ARPP21: variants seen among roughly 807,000 people sequenced by gnomAD.
The protein encoded by ARPP21 is cAMP regulated phosphoprotein 21.
Under a neutral mutation model 113.2 loss-of-function variants are expected in ARPP21, and 69 were observed. The ratio of observed to expected loss-of-function variants is 0.61; its 90% confidence interval spans 0.50 to 0.74. ARPP21 has a LOEUF of 0.74. Among genes scored for constraint, ARPP21 ranks in the 30% least tolerant of loss-of-function variants. The probability of loss-of-function intolerance (pLI) is 0.00; values close to 1 mark genes in which losing one functional copy is unlikely to be tolerated. For synonymous variants in ARPP21, 368 were observed against 375.5 expected (o/e 0.98, Z 0.23); for missense variants, 1,070 against 1,037.4 (o/e 1.03, Z -0.43).
chr3:35,648,373 A>G (rs759097301), intron 1 of ARPP21, among the ~76,000 whole-genome samples: 8 of 152,236 alleles, frequency 5.3e-5, no homozygotes, highest in Non-Finnish European at 8.8e-5. Flanking sequence ...GAATGAATCC[A>G]TGAAGGAAAA....
At chr3:35,718,285 T>C (rs994404655) in intron 13 of ARPP21, among the ~76,000 whole-genome samples, 1 of 152,194 alleles carries the variant, frequency 6.6e-6, no homozygotes, top group African/African-American at 2.4e-5. Flanking sequence ...TGGACTTCTT[T>C]CACTTTTCTA....
In ARPP21 at chr3:35,792,459, G is replaced by T. The variant is rs894763514; in HGVS notation, c.2215G>T (p.Val739Leu). The T allele has an allele frequency of 6.8e-6, 11 of 1,613,844 alleles. No individual in the cohort carries two copies. Among genetic ancestry groups the T allele is most frequent in the Non-Finnish European group, 9.3e-6 (11 of 1,179,838 alleles). Residue 739 changes from valine to leucine, a missense_variant, in exon 20 of 21, where the codon GTG becomes TTG. Physicochemically the swap from Val to Leu is conservative, Grantham distance 32. Transcript: ENST00000684406. ...GCAGCAGCCACCTCAGAGTCAGAAC[G>T]TGATAAATAACCAACAAGGAACTCC... ...GVQQPPQSQN[V>L]INNQQGTPVQ...
chr3:35,719,231 G>A (rs371779007), intron 13 of ARPP21, among the ~76,000 whole-genome samples: 1 of 152,142 alleles, frequency 6.6e-6, no homozygotes, highest in African/African-American at 2.4e-5. Flanking sequence ...TAAGATGATA[G>A]TGCAATATAA....
chr3:35,689,246 C>G lies in ARPP21; in HGVS notation c.407-61C>G, dbSNP rs747190600. The G allele has an allele frequency of 4.9e-6, 4 of 818,852 alleles. No individual in the cohort carries two copies. The African/African-American group carries it at 6.8e-5, about 14-fold the overall frequency. 50.7% of individuals were successfully genotyped at this position (818,852 alleles called of 1,614,324 possible). On this transcript the variant is annotated intron_variant, in intron 6 of 20. Transcript: ENST00000684406. Reference sequence around the variant, plus strand: ...GGGGAAACAGGATAGGTTGGGGAAACCTTTTCTACCCCACCTTTCCACCAT... The same window carrying G: ...GGGGAAACAGGATAGGTTGGGGAAAGCTTTTCTACCCCACCTTTCCACCAT...
intron 18 of ARPP21, among the ~76,000 whole-genome samples, chr3:35,742,831 T>C (rs9311107): frequency 0.47 from 71,721 of 152,000 alleles, 17,358 homozygotes; most frequent in African/African-American, 0.54. Context: ...CTTCAGTTGT[T>C]ATTTTAGAGA....
intron 1 of ARPP21, among the ~76,000 whole-genome samples, chr3:35,667,938 G>GAAA (rs1381090945): frequency 1.7e-4 from 18 of 108,250 alleles, no homozygotes; most frequent in African/African-American, 7.4e-4. Flanking sequence ...GGAGGAGAAG[G>GAAA]AGAAGAAGAA....
intron 19 of ARPP21, among the ~76,000 whole-genome samples, chr3:35,782,716 A>T (rs1382561623): frequency 6.6e-6 from 1 of 152,096 alleles, no homozygotes; most frequent in Non-Finnish European, 1.5e-5. Context: ...ACTCTTTCCC[A>T]GGTTTTTCAT....
chr3:35,753,041 AGTGTGTGTGT>A (rs3086930), intron 19 of ARPP21, among the ~76,000 whole-genome samples: 142 of 144,070 alleles, frequency 9.9e-4, no homozygotes, highest in African/African-American at 3.5e-3. Flanking sequence ...TATGGCAGGA[AGTGTGTGTGT>A]GTGTGTGTGT....
At chr3:35,725,044 G>C (rs2093420401) in intron 14 of ARPP21, among the ~76,000 whole-genome samples, 1 of 152,174 alleles carries the variant, frequency 6.6e-6, no homozygotes, top group Admixed American at 6.6e-5. Flanking sequence ...TCTTTTTAGA[G>C]AGAGAACTGA....
At chr3:35,777,791 G>A (rs968989533) in intron 19 of ARPP21, among the ~76,000 whole-genome samples, 1 of 152,152 alleles carries the variant, frequency 6.6e-6, no homozygotes, top group African/African-American at 2.4e-5. Flanking sequence ...TCAACAAAAT[G>A]AGTAGTACTG....
intron 19 of ARPP21, among the ~76,000 whole-genome samples, chr3:35,757,908 A>G (rs752348230): frequency 5.3e-5 from 8 of 152,110 alleles, no homozygotes; most frequent in Non-Finnish European, 1.2e-4. Flanking sequence ...TTCAGATTTC[A>G]TGTGTTTTAC....
intron 20 of ARPP21, 132 bp downstream of exon 20, chr3:35,792,662 T>G (rs574048735): frequency 1.9e-5 from 14 of 746,540 alleles, no homozygotes; most frequent in South Asian, 1.3e-4. Context: ...GATAATTTAC[T>G]TTGAATCAAG....
chr3:35,685,773 T>G, intron 5 of ARPP21: 1 of 943,662 alleles, frequency 1.1e-6, no homozygotes, highest in Non-Finnish European at 1.3e-6. Flanking sequence ...TGAATCACTC[T>G]TTTACTGTTG....
At chr3:35,764,527 A>G (rs976017777) in intron 19 of ARPP21, among the ~76,000 whole-genome samples, 1 of 152,086 alleles carries the variant, frequency 6.6e-6, no homozygotes, top group Admixed American at 6.6e-5. Context: ...GCTTTCCTCC[A>G]TGCATTCCCG....
At chr3:35,642,255 G>A (rs1698341493) in intron 1 of ARPP21, 1 of 152,096 alleles carries the variant, frequency 6.6e-6, no homozygotes, top group South Asian at 2.1e-4. Flanking sequence ...TGTGGTATTA[G>A]CCATGTTAGA....
chr3:35,673,920 G>T (rs537992238), intron 1 of ARPP21, among the ~76,000 whole-genome samples: 1 of 151,826 alleles, frequency 6.6e-6, no homozygotes, highest in African/African-American at 2.4e-5. Context: ...TATAAAAAAT[G>T]CCTTTTTTCT....
At chr3:35,706,806 T>G (rs2089277830) in intron 9 of ARPP21, among the ~76,000 whole-genome samples, 168 bp from the exon 10 acceptor site, 1 of 152,174 alleles carries the variant, frequency 6.6e-6, no homozygotes, top group African/African-American at 2.4e-5. Flanking sequence ...TATTCTAACA[T>G]GTGAAGTGAC....
chr3:35,677,064 A>AC (rs1349719829), intron 1 of ARPP21, among the ~76,000 whole-genome samples: 1 of 151,904 alleles, frequency 6.6e-6, no homozygotes, highest in Non-Finnish European at 1.5e-5. Context: ...ATCATAAAGT[A>AC]CCCATTGCTA....
At chr3:35,658,447 G>C (rs1706055263) in intron 1 of ARPP21, among the ~76,000 whole-genome samples, 1 of 151,990 alleles carries the variant, frequency 6.6e-6, no homozygotes, top group Admixed American at 6.6e-5. Context: ...TATGAGTTAA[G>C]ATATCTGTAT....
Sources: allele counts gnomAD v4.1 joint callset (sites outside exome capture counted in the v4.1 genomes callset), GRCh38; gene constraint gnomAD v4.1.1; transcripts MANE v1.5; gene names NCBI Gene and HGNC (gene_info 2026-07-23, HGNC 2026-07-21).